The following MACROD2 variants were observed in gnomAD, a reference collection of about 807,000 sequenced individuals.
MACROD2 encodes mono-ADP ribosylhydrolase 2.
In MACROD2, 36 loss-of-function variants were observed where a neutral mutation model predicts 70.4. The observed-to-expected ratio is 0.51, with a 90% CI of 0.39 to 0.68. The LOEUF (loss-of-function observed/expected upper bound fraction) is 0.68, where lower values mean the gene tolerates loss of function less well. Ranked by LOEUF, MACROD2 falls within the 30% of genes least tolerant of loss-of-function variation. The probability of loss-of-function intolerance (pLI) is 0.00; values close to 1 mark genes in which losing one functional copy is unlikely to be tolerated. For synonymous variants in MACROD2, 172 were observed against 178.8 expected (o/e 0.96, Z 0.30); for missense variants, 496 against 538.4 (o/e 0.92, Z 0.78).
rs533704933 is a variant in MACROD2, at chr20:14,437,605, T to G, written c.272-55874T>G. Among the ~76,000 whole-genome samples, 516 of 152,040 alleles carry G rather than the reference T, an allele frequency of 3.4e-3. 3 individuals are homozygous for G. Among genetic ancestry groups the G allele is most frequent in the African/African-American group, 0.012 (479 of 41,522 alleles). On this transcript the variant is annotated intron_variant, in intron 3 of 17. Transcript: ENST00000684519. ...GCAAAACTCCATCTCAAAAAAAAAT[T>G]TTTTTCTCATTAAATATTTGTTATA...
chr20:15,486,567 A>C (rs1233653535), intron 7 of MACROD2, among the ~76,000 whole-genome samples: 1 of 152,166 alleles, frequency 6.6e-6, no homozygotes, highest in African/African-American at 2.4e-5. Flanking sequence ...TGTACTTTTC[A>C]GGGGAAGGAT....
At chr20:14,479,323 C>T (rs1190252935) in intron 3 of MACROD2, among the ~76,000 whole-genome samples, 4 of 152,130 alleles carry the variant, frequency 2.6e-5, no homozygotes, top group Non-Finnish European at 5.9e-5. Context: ...TGGTGCTGTC[C>T]TGTGTCTTCT....
At chr20:16,049,477 T>C (rs1362054023) in intron 17 of MACROD2, among the ~76,000 whole-genome samples, 1 of 152,168 alleles carries the variant, frequency 6.6e-6, no homozygotes, top group Non-Finnish European at 1.5e-5. Context: ...ATTTATATGC[T>C]GATCCCTGGA....
intron 3 of MACROD2, among the ~76,000 whole-genome samples, chr20:14,426,330 C>T (rs1265163112): frequency 6.6e-6 from 1 of 151,392 alleles, no homozygotes; most frequent in African/African-American, 2.4e-5. Flanking sequence ...CCCAAATATT[C>T]CTCTTTTTTT....
intron 6 of MACROD2, among the ~76,000 whole-genome samples, chr20:15,384,515 G>C (rs6043246): frequency 2.6e-5 from 4 of 152,086 alleles, no homozygotes; most frequent in Non-Finnish European, 2.9e-5. Flanking sequence ...ATGAAACCTC[G>C]TAAGTGTGAA....
At chr20:15,057,260 C>T (rs931593600) in intron 5 of MACROD2, among the ~76,000 whole-genome samples, 1 of 152,172 alleles carries the variant, frequency 6.6e-6, no homozygotes, top group Non-Finnish European at 1.5e-5. Flanking sequence ...ATTTAATTCC[C>T]TCCATTTTAT....
chr20:14,020,987 CT>C (rs1163077387), intron 2 of MACROD2, among the ~76,000 whole-genome samples: 2,326 of 111,502 alleles, frequency 0.021, 12 homozygotes, highest in Non-Finnish European at 0.029. Context: ...TTTGAATATT[CT>C]TTTTTTTTTT....
chr20:14,285,617 GA>G (rs879593828), intron 3 of MACROD2, among the ~76,000 whole-genome samples: 72 of 142,972 alleles, frequency 5.0e-4, no homozygotes, highest in Admixed American at 1.1e-3. Context: ...ACTAAACTTA[GA>G]AAAAAAAAAA....
intron 8 of MACROD2, among the ~76,000 whole-genome samples, chr20:15,845,339 T>C (rs2064218793): frequency 6.6e-6 from 1 of 152,068 alleles, no homozygotes; most frequent in Non-Finnish European, 1.5e-5. Flanking sequence ...AACGCACAAC[T>C]CATAATATCT....
At chr20:15,518,007 T>C (rs977664322) in intron 8 of MACROD2, among the ~76,000 whole-genome samples, 4 of 152,190 alleles carry the variant, frequency 2.6e-5, no homozygotes, top group East Asian at 3.9e-4. Flanking sequence ...TGGAAATGAA[T>C]AGAGCTGGCA....
intron 15 of MACROD2, among the ~76,000 whole-genome samples, chr20:16,009,260 T>C (rs1238496497): frequency 6.6e-6 from 1 of 152,170 alleles, no homozygotes; most frequent in East Asian, 1.9e-4. Flanking sequence ...GCATGTACCA[T>C]AGGACAGTGA....
chr20:15,523,240 C>T (rs548752138), intron 8 of MACROD2, among the ~76,000 whole-genome samples: 6 of 152,280 alleles, frequency 3.9e-5, no homozygotes, highest in Admixed American at 2.6e-4. Context: ...GAGGGAAGGA[C>T]GTTGCTGTAT....
At chr20:15,214,575 A>G (rs1171677648) in intron 5 of MACROD2, among the ~76,000 whole-genome samples, 2 of 152,200 alleles carry the variant, frequency 1.3e-5, no homozygotes, top group Middle Eastern at 3.2e-3. Context: ...GAACATTAAA[A>G]TGCAAGAAAT....
intron 3 of MACROD2, among the ~76,000 whole-genome samples, chr20:14,483,242 G>A (rs974082252): frequency 1.3e-5 from 2 of 152,074 alleles, no homozygotes; most frequent in African/African-American, 4.8e-5. Flanking sequence ...CTTAATGGTT[G>A]GTTTTAGATG....
intron 5 of MACROD2, among the ~76,000 whole-genome samples, chr20:14,849,743 T>G (rs1442411149): frequency 6.6e-6 from 1 of 152,180 alleles, no homozygotes; most frequent in Non-Finnish European, 1.5e-5. Flanking sequence ...ATTGCGCCAG[T>G]GCACTCCAAC....
chr20:15,922,969 C>T (rs1200980491), intron 10 of MACROD2, among the ~76,000 whole-genome samples: 1 of 730 alleles, frequency 1.4e-3, no homozygotes, highest in East Asian at 0.056. Flanking sequence ...TATGAAAAGT[C>T]TATTTTTGTC....
chr20:14,917,912 A>G (rs561126901), intron 5 of MACROD2, among the ~76,000 whole-genome samples: 3 of 152,242 alleles, frequency 2.0e-5, no homozygotes, highest in Non-Finnish European at 4.4e-5. Context: ...CTGTGTAGGA[A>G]TTCAGCAGCA....
At chr20:14,639,451 G>C (rs1004780586) in intron 4 of MACROD2, among the ~76,000 whole-genome samples, 3 of 152,030 alleles carry the variant, frequency 2.0e-5, no homozygotes, top group African/African-American at 7.2e-5. Flanking sequence ...CCTGAGGCTA[G>C]GGAAATTCTT....
intron 5 of MACROD2, among the ~76,000 whole-genome samples, chr20:14,999,381 A>G (rs1035202003): frequency 1.3e-5 from 2 of 152,240 alleles, no homozygotes; most frequent in Non-Finnish European, 2.9e-5. Context: ...CATATAGGCC[A>G]GGTGCCATGA....
Sources: gnomAD v4.1 joint callset for allele counts (sites outside exome capture counted in the v4.1 genomes callset) on GRCh38, gnomAD v4.1.1 for gene constraint, MANE v1.5 for transcripts, NCBI Gene and HGNC (gene_info 2026-07-23, HGNC 2026-07-21) for gene names.